CSMD1: variants seen among roughly 807,000 people sequenced by gnomAD.
CSMD1 encodes CUB and Sushi multiple domains 1, also known as CUB and sushi domain-containing protein 1.
In CSMD1, 213 loss-of-function variants were observed where a neutral mutation model predicts 417.5. That is an observed-to-expected ratio of 0.51 (90% CI 0.46 to 0.57). CSMD1 has a LOEUF of 0.57. Ranked by LOEUF, CSMD1 falls within the 20% of genes least tolerant of loss-of-function variation. CSMD1 has a pLI of 0.00. For missense variants in CSMD1, 6,923 were observed against 4,529.7 expected (o/e 1.53, Z -15.17); for synonymous variants, 2,862 against 1,736.8 (o/e 1.65, Z -16.11).
At chr8:4,312,333 G>A (rs564241627) in intron 3 of CSMD1, among the ~76,000 whole-genome samples, 1 of 148,480 alleles carries the variant, frequency 6.7e-6, no homozygotes, top group Non-Finnish European at 1.5e-5. Flanking sequence ...TTTTTTAAAA[G>A]CAATTTAAAC....
chr8:4,889,327 T>C (rs942929529), intron 1 of CSMD1, among the ~76,000 whole-genome samples: 3 of 152,108 alleles, frequency 2.0e-5, no homozygotes, highest in African/African-American at 7.2e-5. Flanking sequence ...AGGAGAATTT[T>C]ATGAATCAAG....
At chr8:4,214,256 C>G (rs774829744) in intron 3 of CSMD1, among the ~76,000 whole-genome samples, 1 of 152,114 alleles carries the variant, frequency 6.6e-6, no homozygotes, top group African/African-American at 2.4e-5. Context: ...ATGTTTGAGA[C>G]TTTTACAAGA....
At position 3,355,025 on chromosome 8, in the gene CSMD1, A is replaced by G. The variant is rs1351212557; in HGVS notation, c.3304+4127T>C. On this transcript the variant is annotated intron_variant, in intron 21 of 69. Transcript: ENST00000635120. Reference sequence around the variant, plus strand: ...AATTAAATTAAAATACAGGCAAGATATTTTGTTTCACTATGCTGTCGGAAA... The same window carrying G: ...AATTAAATTAAAATACAGGCAAGATGTTTTGTTTCACTATGCTGTCGGAAA... Among the ~76,000 whole-genome samples the G allele has an allele frequency of 4.5e-5, 6 of 133,452 alleles. No individual in the cohort carries two copies. In the East Asian group the frequency reaches 1.2e-3, roughly 28 times the overall value. 87.5% of individuals were successfully genotyped at this position (133,452 alleles called of 152,430 possible). A position where few individuals can be genotyped will look rare whatever the true frequency, so the allele number is the denominator to read the frequency against.
At chr8:4,034,598 C>G (rs564580173) in intron 3 of CSMD1, among the ~76,000 whole-genome samples, 1 of 152,208 alleles carries the variant, frequency 6.6e-6, no homozygotes, top group South Asian at 2.1e-4. Context: ...ATGCCTTGTC[C>G]ATCAGCTGAG....
chr8:3,440,629 T>C (rs561050054), intron 12 of CSMD1, among the ~76,000 whole-genome samples: 56 of 152,314 alleles, frequency 3.7e-4, no homozygotes, highest in Non-Finnish European at 7.1e-4. Flanking sequence ...GCAATCTGTA[T>C]GCCCTGTTTC....
intron 4 of CSMD1, among the ~76,000 whole-genome samples, chr8:4,020,747 C>T (rs1796748933): frequency 6.6e-6 from 1 of 152,200 alleles, no homozygotes; most frequent in Admixed American, 6.5e-5. Flanking sequence ...TTCATTAGAC[C>T]CAACGTCATT....
intron 3 of CSMD1, among the ~76,000 whole-genome samples, chr8:4,238,054 AC>A (rs1315587348): frequency 6.6e-6 from 1 of 152,024 alleles, no homozygotes; most frequent in African/African-American, 2.4e-5. Context: ...TAGTTTTTCT[AC>A]CCTAGGAGGC....
intron 5 of CSMD1, among the ~76,000 whole-genome samples, chr8:3,860,234 G>A (rs1008963679): frequency 7.9e-5 from 12 of 152,094 alleles, no homozygotes; most frequent in African/African-American, 1.2e-4. Context: ...TTCTCCAACT[G>A]CCTACTCTGT....
At chr8:4,401,146 G>A (rs1585018138) in intron 3 of CSMD1, among the ~76,000 whole-genome samples, 1 of 152,128 alleles carries the variant, frequency 6.6e-6, no homozygotes, top group East Asian at 1.9e-4. Flanking sequence ...GAAGCTGGGA[G>A]TCGAGGATTC....
intron 26 of CSMD1, among the ~76,000 whole-genome samples, chr8:3,232,136 C>A (rs1311518774): frequency 1.3e-5 from 2 of 152,212 alleles, no homozygotes; most frequent in Non-Finnish European, 2.9e-5. Context: ...CCCCATATCA[C>A]CTTCTTCCTC....
chr8:3,114,398 T>C (rs1219790131), intron 42 of CSMD1, among the ~76,000 whole-genome samples: 1 of 150,888 alleles, frequency 6.6e-6, no homozygotes. Flanking sequence ...AAAAAGCTAA[T>C]AAATACACTT....
intron 3 of CSMD1, among the ~76,000 whole-genome samples, chr8:4,404,165 T>A (rs115461617): frequency 6.6e-5 from 10 of 152,142 alleles, no homozygotes; most frequent in Admixed American, 6.5e-4. Context: ...TCCGGAACAC[T>A]CTATTTAATA....
chr8:3,501,591 A>C (rs1191413305), intron 10 of CSMD1, among the ~76,000 whole-genome samples: 2 of 152,220 alleles, frequency 1.3e-5, no homozygotes, highest in Non-Finnish European at 2.9e-5. Flanking sequence ...AACTCAGAAC[A>C]CACTGGAAGG....
chr8:3,939,671 G>T (rs1810745304), intron 5 of CSMD1, among the ~76,000 whole-genome samples: 1 of 152,134 alleles, frequency 6.6e-6, no homozygotes, highest in Non-Finnish European at 1.5e-5. Context: ...ATACACCATG[G>T]AGTAGTAGTC....
intron 5 of CSMD1, among the ~76,000 whole-genome samples, chr8:3,967,088 G>T (rs922521074): frequency 6.6e-6 from 1 of 152,076 alleles, no homozygotes; most frequent in African/African-American, 2.4e-5. Flanking sequence ...ATTCTAACAA[G>T]GAAAGAAAGC....
chr8:3,930,909 A>C (rs2948644), intron 5 of CSMD1, among the ~76,000 whole-genome samples: 59,283 of 149,878 alleles, frequency 0.4, 13,913 homozygotes, highest in Admixed American at 0.46. Flanking sequence ...ACAGAAAAAT[A>C]ATTTACAATG....
intron 5 of CSMD1, among the ~76,000 whole-genome samples, chr8:3,761,076 C>T (rs905357089): frequency 6.6e-6 from 1 of 152,070 alleles, no homozygotes; most frequent in African/African-American, 2.4e-5. Flanking sequence ...GAGTTCCTGA[C>T]ATGTTATGTT....
intron 3 of CSMD1, among the ~76,000 whole-genome samples, chr8:4,413,727 C>T (rs1298577622): frequency 6.6e-6 from 1 of 152,024 alleles, no homozygotes; most frequent in South Asian, 2.1e-4. Context: ...ATTAGGGGTT[C>T]TAATACAGCT....
intron 5 of CSMD1, among the ~76,000 whole-genome samples, chr8:3,988,648 G>T (rs1057270779): frequency 6.6e-6 from 1 of 152,196 alleles, no homozygotes; most frequent in East Asian, 1.9e-4. Context: ...ATGTACTTCG[G>T]TCAAAATTCC....
Sources: gnomAD v4.1 joint callset for allele counts (sites outside exome capture counted in the v4.1 genomes callset) on GRCh38, gnomAD v4.1.1 for gene constraint, MANE v1.5 for transcripts, NCBI Gene and HGNC (gene_info 2026-07-23, HGNC 2026-07-21) for gene names.